PALS1: variants seen among roughly 807,000 people sequenced by gnomAD.
PALS1 encodes protein associated with LIN7 1, MAGUK p55 family member.
A neutral mutation model predicts 78.9 loss-of-function variants in PALS1; 31 were observed. The observed-to-expected ratio is 0.39, with a 90% CI of 0.30 to 0.53. The LOEUF is 0.53. Among genes scored for constraint, PALS1 ranks in the 20% least tolerant of loss-of-function variants. The probability of loss-of-function intolerance (pLI) is 0.67; values close to 1 mark genes in which losing one functional copy is unlikely to be tolerated. For synonymous variants in PALS1, 276 were observed against 270.9 expected (o/e 1.02, Z -0.18); for missense variants, 704 against 826.5 (o/e 0.85, Z 1.82).
chr14:67,319,907 T>C (rs1341789574), intron 11 of PALS1, among the ~76,000 whole-genome samples: 1 of 152,260 alleles, frequency 6.6e-6, no homozygotes, highest in Non-Finnish European at 1.5e-5. Flanking sequence ...AAATGACGGA[T>C]ATTACTCTTA....
chr14:67,321,367 C>A, intron 13 of PALS1, 108 bp downstream of exon 13: 1 of 1,006,742 alleles, frequency 9.9e-7, no homozygotes, highest in Middle Eastern at 3.0e-4. Context: ...TAATTAAGTT[C>A]TCATACGGTT....
chr14:67,295,760 T>G (rs1311743976), intron 4 of PALS1, among the ~76,000 whole-genome samples: 1 of 152,144 alleles, frequency 6.6e-6, no homozygotes, highest in Non-Finnish European at 1.5e-5. Context: ...ACATCACTGG[T>G]GGAGTATAAA....
chr14:67,316,083 A>G (rs2085170555), intron 9 of PALS1, among the ~76,000 whole-genome samples: 1 of 152,216 alleles, frequency 6.6e-6, no homozygotes, highest in African/African-American at 2.4e-5. Context: ...TTTACACTGA[A>G]AAAAAGTAGA....
At chr14:67,273,057 C>G (rs1488182359) in intron 2 of PALS1, among the ~76,000 whole-genome samples, 1 of 148,598 alleles carries the variant, frequency 6.7e-6, no homozygotes, top group African/African-American at 2.6e-5. Context: ...TGCTTTCAGT[C>G]TGTTCTCATT....
In PALS1 at chr14:67,335,627, T is replaced by G. The variant is rs896087477; in HGVS notation, c.*2671T>G. The G allele has an allele frequency of 7.2e-5, 11 of 152,672 alleles. No individual in the cohort carries two copies. The highest frequency in any genetic ancestry group is 1.3e-4 in the Admixed American group (2 of 15,288). 9.5% of individuals were successfully genotyped at this position (152,672 alleles called of 1,614,324 possible). On this transcript the variant is annotated 3_prime_UTR_variant, in exon 15 of 15. Coordinates refer to ENST00000261681, the MANE Select transcript of PALS1 (RefSeq NM_022474.4). ...GAAATAAGGATCAATAAGGAATGAT[T>G]TGAATGTAATTTTGTGAATGTGTGG... is the stretch of plus-strand genomic sequence containing the variant.
chr14:67,305,390 C>T (rs1052702174), intron 8 of PALS1, among the ~76,000 whole-genome samples: 9 of 152,128 alleles, frequency 5.9e-5, no homozygotes, highest in Non-Finnish European at 8.8e-5. Flanking sequence ...AGCAGTCCTC[C>T]TACCTCAGCC....
chr14:67,312,623 C>A lies in PALS1; in HGVS notation c.1138C>A (p.His380Asn), dbSNP rs1230493707. Residue 380 changes from histidine (H) to asparagine (N), a missense_variant, in exon 9 of 15, where the codon CAT becomes AAT. Physicochemically the swap from His to Asn is moderately conservative, Grantham distance 68. Transcript: ENST00000261681. ...GLSFQKGDILHVISQEDPNWW... is the reference protein window; with the variant it reads ...GLSFQKGDILNVISQEDPNWW... ...GTCTTTTCAAAAAGGTGATATACTTCATGTGATCAGTCAAGAAGATCCAAA... is the reference window on the plus strand; with the variant it reads ...GTCTTTTCAAAAAGGTGATATACTTAATGTGATCAGTCAAGAAGATCCAAA... 6.2e-7 allele frequency: 1 copy of A among 1,613,542 alleles called. No individual in the cohort carries two copies. The highest frequency in any genetic ancestry group is 1.3e-5 in the African/African-American group (1 of 74,876).
At chr14:67,283,147 A>G (rs2084627716) in intron 3 of PALS1, among the ~76,000 whole-genome samples, 1 of 152,174 alleles carries the variant, frequency 6.6e-6, no homozygotes, top group Admixed American at 6.5e-5. Context: ...ATGAGATACT[A>G]TTAGTGTGAA....
chr14:67,288,965 T>C (rs1004679949), intron 3 of PALS1, among the ~76,000 whole-genome samples: 1 of 7,428 alleles, frequency 1.3e-4, no homozygotes, highest in Admixed American at 1.3e-3. Flanking sequence ...CTTTATTTCC[T>C]TTTTTTTTTT....
rs924813816 is a variant in PALS1 at position 67,279,329 on chromosome 14, T to C, written c.159T>C (p.Ser53=). The C allele has an allele frequency of 6.2e-7, 1 of 1,613,108 alleles. No homozygotes were observed. Among genetic ancestry groups the C allele is most frequent in the African/African-American group, 1.3e-5 (1 of 74,602 alleles). ...LGTRMMPIRR[S]AQLERIRQQQ... is the part of the protein sequence containing the mutation. ...CCAGGATGATGCCAATACGTCGAAGTGCACAGTTGGAGCGTATTCGGCAAC... is the reference window on the plus strand; with the variant it reads ...CCAGGATGATGCCAATACGTCGAAGCGCACAGTTGGAGCGTATTCGGCAAC... Residue 53 remains serine, a synonymous_variant, in exon 3 of 15, where the codon AGT becomes AGC. Coordinates refer to ENST00000261681, the MANE Select transcript of PALS1 (RefSeq NM_022474.4).
chr14:67,246,797 G>A (rs867904162), intron 1 of PALS1, among the ~76,000 whole-genome samples: 7 of 151,756 alleles, frequency 4.6e-5, no homozygotes, highest in South Asian at 4.2e-4. Flanking sequence ...GATTATAAGC[G>A]CGCACCACCA....
At chr14:67,330,481 G>A (rs1391172721) in intron 14 of PALS1, among the ~76,000 whole-genome samples, 1 of 129,212 alleles carries the variant, frequency 7.7e-6, no homozygotes, top group African/African-American at 2.7e-5. Flanking sequence ...TTTTTGAGAT[G>A]GGGTTTCGCT....
At chr14:67,322,413 G>A (rs2085276266) in intron 13 of PALS1, among the ~76,000 whole-genome samples, 1 of 152,172 alleles carries the variant, frequency 6.6e-6, no homozygotes, top group Admixed American at 6.5e-5. Flanking sequence ...AAATGTTACG[G>A]AAAATTGTTT....
intron 4 of PALS1, among the ~76,000 whole-genome samples, chr14:67,300,809 T>A (rs188934222): frequency 6.6e-6 from 1 of 152,256 alleles, no homozygotes. Flanking sequence ...TCCATTACAC[T>A]CATATAAATT....
At chr14:67,294,030 T>C (rs1282046411) in intron 4 of PALS1, among the ~76,000 whole-genome samples, 1 of 152,182 alleles carries the variant, frequency 6.6e-6, no homozygotes, top group Non-Finnish European at 1.5e-5. Context: ...AGAACTAAAG[T>C]GGCTTAAAGA....
intron 8 of PALS1, chr14:67,311,859 T>C (rs1215687672): frequency 6.6e-6 from 1 of 152,382 alleles, no homozygotes; most frequent in Admixed American, 6.5e-5. Context: ...TTAGTTAATT[T>C]TAGTCGTTGA....
rs1555520589 is a variant in PALS1, at chr14:67,284,433, A to AAAAAAAAAAC, written c.367+4905_367+4906insCAAAAAAAAA. ...GGCAACATAGACCCTATCTCTTAAA[A>AAAAAAAAAAC]AAAAAAAAAAACAGCTGGGCATGGT... On this transcript the variant is annotated intron_variant, in intron 3 of 14. Coordinates refer to ENST00000261681, the MANE Select transcript of PALS1 (RefSeq NM_022474.4). Among the ~76,000 whole-genome samples, 4 of 148,158 alleles carry AAAAAAAAAAC rather than the reference A, an allele frequency of 2.7e-5. 1 individual carries two copies. The East Asian group carries it at 7.8e-4, about 29-fold the overall frequency.
chr14:67,280,552 CTTAG>C (rs1208091666), intron 3 of PALS1, among the ~76,000 whole-genome samples: 2 of 152,066 alleles, frequency 1.3e-5, no homozygotes, highest in African/African-American at 2.4e-5. Context: ...GAAATTGAAC[CTTAG>C]TTAAACAACT....
At chr14:67,262,831 C>T (rs180987903) in intron 1 of PALS1, among the ~76,000 whole-genome samples, 2 of 152,142 alleles carry the variant, frequency 1.3e-5, no homozygotes, top group African/African-American at 4.8e-5. Context: ...CCAACTAGGC[C>T]ATATATATTC....
Sources: gnomAD v4.1 joint callset for allele counts (sites outside exome capture counted in the v4.1 genomes callset) on GRCh38, gnomAD v4.1.1 for gene constraint, MANE v1.5 for transcripts, NCBI Gene and HGNC (gene_info 2026-07-23, HGNC 2026-07-21) for gene names.